MAP3K10: variants seen among roughly 807,000 people sequenced by gnomAD.
MAP3K10 encodes MKN28 derived nonreceptor_type serine/threonine kinase.
In MAP3K10, 22 loss-of-function variants were observed where a neutral mutation model predicts 75.0. The ratio of observed to expected loss-of-function variants is 0.29; its 90% CI spans 0.21 to 0.42. The LOEUF (loss-of-function observed/expected upper bound fraction) is 0.42, where lower values mean the gene tolerates loss of function less well. Ranked by LOEUF, MAP3K10 falls within the 10% of genes least tolerant of loss-of-function variation. MAP3K10 has a pLI of 1.00. For missense variants in MAP3K10, 1,165 were observed against 1,379.8 expected (o/e 0.84, Z 2.47); for synonymous variants, 599 against 612.9 (o/e 0.98, Z 0.34).
chr19:40,215,118 C>G lies in MAP3K10; in HGVS notation c.2691C>G (p.Asp897Glu). Residue 897 changes from aspartate (D) to glutamate (E), a missense_variant, in exon 10 of 10, where the codon GAC becomes GAG. Transcript: ENST00000253055. ...CGGCTGCCAGTCGCCCCCGCTTGGACCCCTGGAAACTGGTCTCCTTCGGCC... is the reference window on the plus strand; with the variant it reads ...CGGCTGCCAGTCGCCCCCGCTTGGAGCCCTGGAAACTGGTCTCCTTCGGCC... Reference protein sequence around the residue: ...PRPAASRPRLDPWKLVSFGRT... With the variant: ...PRPAASRPRLEPWKLVSFGRT... 6.2e-7 allele frequency: 1 copy of G among 1,611,458 alleles called. No individual in the cohort carries two copies. The highest frequency in any genetic ancestry group is 8.5e-7 in the Non-Finnish European group (1 of 1,179,210).
chr19:40,204,650 T>C lies in MAP3K10; in HGVS notation c.1012+17T>C. On this transcript the variant is annotated intron_variant, in intron 3 of 9. Coordinates refer to ENST00000253055, the MANE Select transcript of MAP3K10 (RefSeq NM_002446.4). The surrounding 1 kb of genome is among the most constrained non-coding windows in gnomAD (Gnocchi z 4.3). ...TCCTGGAGGGTGAGCCGGGGCCCCGTGACGAGGGTAGGCTCAGCTTGGAGT... is the reference window on the plus strand; with the variant it reads ...TCCTGGAGGGTGAGCCGGGGCCCCGCGACGAGGGTAGGCTCAGCTTGGAGT... 3 of 1,608,892 alleles carry C rather than the reference T, an allele frequency of 1.9e-6. 1 individual carries two copies. Among genetic ancestry groups the C allele is most frequent in the Non-Finnish European group, 2.5e-6 (3 of 1,177,120 alleles).
intron 2 of MAP3K10, among the ~76,000 whole-genome samples, chr19:40,202,841 A>C (rs1973051567): frequency 6.6e-6 from 1 of 152,014 alleles, no homozygotes; most frequent in Admixed American, 6.6e-5. Flanking sequence ...CCCCTCCTAC[A>C]TCCCATGTAC....
Position 40,205,882 on chromosome 19 carries a change from TC to T in MAP3K10, c.1189-23del, listed in dbSNP as rs1415603115. 4.7e-6 allele frequency: 7 copies of T among 1,495,058 alleles called. No homozygotes were observed. The highest frequency in any genetic ancestry group is 2.7e-5 in the South Asian group (2 of 75,184). The allele number at this position is 1,495,058 out of a possible 1,614,324, so 92.6% of individuals were successfully genotyped here. On this transcript the variant is annotated intron_variant, in intron 4 of 9. Transcript: ENST00000253055. The surrounding 1 kb of genome is among the most constrained non-coding windows in gnomAD (Gnocchi z 4.3). Reference sequence around the variant, plus strand: ...CCAGGAAGCAGAGCAGCTAAGCCCCTCCCCCCAGCCACCGCCTCTCCTTCCC... The same window carrying T: ...CCAGGAAGCAGAGCAGCTAAGCCCCTCCCCCAGCCACCGCCTCTCCTTCCC...
Position 40,192,848 on chromosome 19 carries a change from G to C in MAP3K10, c.682+135G>C, listed in dbSNP as rs955787534. 50 of 716,530 alleles carry C rather than the reference G, an allele frequency of 7.0e-5. No homozygotes were observed. The highest frequency in any genetic ancestry group is 1.4e-4 in the African/African-American group (8 of 55,386). 44.4% of individuals were successfully genotyped at this position (716,530 alleles called of 1,614,324 possible). A position where few individuals can be genotyped will look rare whatever the true frequency, so the allele number is the denominator to read the frequency against. On this transcript the variant is annotated intron_variant, in intron 1 of 9. Coordinates refer to ENST00000253055, the MANE Select transcript of MAP3K10 (RefSeq NM_002446.4). The surrounding 1 kb of genome is among the most constrained non-coding windows in gnomAD (Gnocchi z 7.1). ...AAGGGGCAGCAGTATGATACCTTCA[G>C]GGTGAAGGTGAGGTAGGCCTTGCCT...
chr19:40,207,423 TAA>T (rs1396477137), intron 5 of MAP3K10, among the ~76,000 whole-genome samples: 6 of 152,118 alleles, frequency 3.9e-5, no homozygotes, highest in African/African-American at 1.2e-4. Context: ...CAAAAAGAAA[TAA>T]GAGATGTCAA....
Position 40,214,073 on chromosome 19 carries a change from G to A in MAP3K10, c.2394G>A (p.Glu798=). The part of the protein sequence containing the change: ...SPSTNPLVDL[E]LESFKKDPRQ... ...GCACCAACCCCCTGGTGGACCTGGAGCTGGAGAGCTTCAAGAAGGACCCCC... is the reference window on the plus strand; with the variant it reads ...GCACCAACCCCCTGGTGGACCTGGAACTGGAGAGCTTCAAGAAGGACCCCC... The change falls in exon 9 of 10, where the codon GAG becomes GAA. Residue 798 remains glutamate (E), a synonymous_variant. Coordinates refer to ENST00000253055, the MANE Select transcript of MAP3K10 (RefSeq NM_002446.4). 2 of 1,552,260 alleles carry A rather than the reference G, an allele frequency of 1.3e-6. No homozygotes were observed. Among genetic ancestry groups the A allele is most frequent in the Non-Finnish European group, 1.7e-6 (2 of 1,156,970 alleles).
chr19:40,213,640 C>A lies in MAP3K10; in HGVS notation c.1961C>A (p.Pro654Gln). 7.0e-7 allele frequency: 1 copy of A among 1,424,678 alleles called. No individual in the cohort carries two copies. The highest frequency in any genetic ancestry group is 9.2e-7 in the Non-Finnish European group (1 of 1,088,512). The allele number at this position is 1,424,678 out of a possible 1,614,324, so 88.3% of individuals were successfully genotyped here. A position where few individuals can be genotyped will look rare whatever the true frequency, so the allele number is the denominator to read the frequency against. The change falls in exon 9 of 10, where the codon CCG (proline) becomes CAG (glutamine). Residue 654 changes from proline (P) to glutamine (Q), a missense_variant. Coordinates refer to ENST00000253055, the MANE Select transcript of MAP3K10 (RefSeq NM_002446.4). This position sits in a 1 kb window ranked among gnomAD's most constrained non-coding sequence, Gnocchi z 5.7. The part of the protein sequence containing the change: ...PSPGARAPWE[P>Q]TPSAPPARWG... ...CCGGGGGCGCGGGCGCCGTGGGAGC[C>A]GACGCCGTCCGCGCCCCCCGCTCGG...
At chr19:40,214,688 T>C (rs1441171168) in intron 9 of MAP3K10, among the ~76,000 whole-genome samples, 1 of 151,572 alleles carries the variant, frequency 6.6e-6, no homozygotes, top group Non-Finnish European at 1.5e-5. Flanking sequence ...TGCAGGAGAG[T>C]CGGGAAGACC....
rs1244855852 is a variant in MAP3K10 at position 40,198,058 on chromosome 19, C to T, written c.683-317C>T. Among the ~76,000 whole-genome samples the T allele has an allele frequency of 2.0e-5, 3 of 152,152 alleles. No homozygotes were observed. The highest frequency in any genetic ancestry group is 2.0e-4 in the Admixed American group (3 of 15,268). ...ATGTTGCACAGGCTGGTCTCGAACT[C>T]CTGGGCTCAAGTGACCCGCTTCAGC... is the stretch of plus-strand genomic sequence containing the variant. On this transcript the variant is annotated intron_variant, in intron 1 of 9. Coordinates refer to ENST00000253055, the MANE Select transcript of MAP3K10 (RefSeq NM_002446.4). The surrounding 1 kb of genome is among the most constrained non-coding windows in gnomAD (Gnocchi z 4.3).
chr19:40,215,131 G>T lies in MAP3K10; in HGVS notation c.2704G>T (p.Val902Phe). 6.2e-7 allele frequency: 1 copy of T among 1,610,860 alleles called. No individual in the cohort carries two copies. The highest frequency in any genetic ancestry group is 8.5e-7 in the Non-Finnish European group (1 of 1,178,948). ...CCCCCGCTTGGACCCCTGGAAACTG[G>T]TCTCCTTCGGCCGGACACTCACCAT... is the stretch of plus-strand genomic sequence containing the variant. ...SRPRLDPWKL[V>F]SFGRTLTISP... The change falls in exon 10 of 10, where the codon GTC becomes TTC. Residue 902 changes from valine to phenylalanine, a missense_variant. Coordinates refer to ENST00000253055, the MANE Select transcript of MAP3K10 (RefSeq NM_002446.4).
intron 1 of MAP3K10, among the ~76,000 whole-genome samples, chr19:40,193,887 G>A (rs935951453): frequency 6.6e-6 from 1 of 152,130 alleles, no homozygotes; most frequent in African/African-American, 2.4e-5. Flanking sequence ...TGCCCCCTTT[G>A]CTCTCAACAC....
In MAP3K10 at chr19:40,192,171, C is replaced by G; in HGVS notation, c.140C>G (p.Ser47Cys). Residue 47 changes from serine to cysteine, a missense_variant, in exon 1 of 10, where the codon TCC becomes TGC. Ser to Cys is a moderately radical substitution (Grantham distance 112). Around this residue, in one of 2 missense-constraint regions of MAP3K10, gnomAD observed 575 missense variants for 793.2 expected, o/e 0.72. Coordinates refer to ENST00000253055, the MANE Select transcript of MAP3K10 (RefSeq NM_002446.4). This position sits in a 1 kb window ranked among gnomAD's most constrained non-coding sequence, Gnocchi z 7.1. ...AGGGGCGATCGCGTCCAGGTGCTTT[C>G]CCAAGACTGTGCGGTGTCCGGCGAC... ...LRRGDRVQVL[S>C]QDCAVSGDEG... 1 of 1,607,646 alleles carries G rather than the reference C, an allele frequency of 6.2e-7. No homozygotes were observed. The highest frequency in any genetic ancestry group is 8.5e-7 in the Non-Finnish European group (1 of 1,178,120).
Position 40,206,392 on chromosome 19 carries a change from C to A in MAP3K10, c.1435+235C>A, listed in dbSNP as rs373293266. On this transcript the variant is annotated intron_variant, in intron 5 of 9. Transcript: ENST00000253055. The stretch of plus-strand genomic sequence containing the variant: ...GAGACCAGCCTGGGCAACATAGACC[C>A]CATATTTACCAAAAAAAAAAAAAAT... 26 of 415,388 alleles carry A rather than the reference C, an allele frequency of 6.3e-5. No homozygotes were observed. The South Asian group carries it at 2.5e-3, about 40-fold the overall frequency. The allele number at this position is 415,388 out of a possible 1,614,324, so 25.7% of individuals were successfully genotyped here. A position where few individuals can be genotyped will look rare whatever the true frequency, so the allele number is the denominator to read the frequency against.
At position 40,213,773 on chromosome 19, in the gene MAP3K10, C is replaced by CGGTGAGGAGCAGCG; in HGVS notation, c.2096_2109dup (p.Arg704ValfsTer123). The stretch of plus-strand genomic sequence containing the variant: ...ACGTGGCCGAGGCGCGCGCGGCCGA[C>CGGTGAGGAGCAGCG]GGTGAGGAGCAGCGGCGCTGGCTCG... On this transcript the variant is annotated frameshift_variant, in exon 9 of 10. Transcript: ENST00000253055. LOFTEE classifies it high-confidence loss of function. The surrounding 1 kb of genome is among the most constrained non-coding windows in gnomAD (Gnocchi z 5.7). 1 of 1,179,682 alleles carries CGGTGAGGAGCAGCG rather than the reference C, an allele frequency of 8.5e-7. No homozygotes were observed. The highest frequency in any genetic ancestry group is 1.1e-6 in the Non-Finnish European group (1 of 950,212). The allele number at this position is 1,179,682 out of a possible 1,614,324, so 73.1% of individuals were successfully genotyped here.
At chr19:40,214,451 C>T (rs1973312168) in intron 9 of MAP3K10, among the ~76,000 whole-genome samples, 1 of 152,166 alleles carries the variant, frequency 6.6e-6, no homozygotes, top group Non-Finnish European at 1.5e-5. Context: ...GTGCCTATAG[C>T]GGTTGTGACC....
chr19:40,215,041 C>G lies in MAP3K10; in HGVS notation c.2614C>G (p.Pro872Ala). Residue 872 changes from proline (P) to alanine (A), a missense_variant, in exon 10 of 10, where the codon CCT becomes GCT. Coordinates refer to ENST00000253055, the MANE Select transcript of MAP3K10 (RefSeq NM_002446.4). ...QALFPARRRPPEFPGRPTTLT... is the reference protein window; with the variant it reads ...QALFPARRRPAEFPGRPTTLT... ...CCTGTTCCCAGCCCGCCGCCGGCCC[C>G]CTGAGTTCCCAGGCCGCCCCACCAC... is the stretch of plus-strand genomic sequence containing the variant. 6.2e-7 allele frequency: 1 copy of G among 1,604,838 alleles called. No individual in the cohort carries two copies. The highest frequency in any genetic ancestry group is 8.5e-7 in the Non-Finnish European group (1 of 1,174,808).
At chr19:40,207,897 A>C (rs1008427216) in intron 5 of MAP3K10, among the ~76,000 whole-genome samples, 9 of 151,978 alleles carry the variant, frequency 5.9e-5, no homozygotes, top group Admixed American at 4.6e-4. Context: ...TTTCATTAAA[A>C]ATTTTTTTTT....
In MAP3K10 at chr19:40,213,526, C is replaced by T. The variant is rs748551085; in HGVS notation, c.1847C>T (p.Ala616Val). Residue 616 changes from alanine (A) to valine (V), a missense_variant, in exon 9 of 10, where the codon GCG (alanine) becomes GTG (valine). By Grantham distance (64) the Ala-to-Val change is moderately conservative. Coordinates refer to ENST00000253055, the MANE Select transcript of MAP3K10 (RefSeq NM_002446.4). The surrounding 1 kb of genome is among the most constrained non-coding windows in gnomAD (Gnocchi z 5.7). Reference protein sequence around the residue: ...FASLNEMEEFAEAEDGGSSVP... With the variant: ...FASLNEMEEFVEAEDGGSSVP... ...CCCTCTCCGGTTGCAGAGGAGTTCG[C>T]GGAGGCAGAGGATGGAGGCAGCAGC... 9.3e-6 allele frequency: 15 copies of T among 1,611,660 alleles called. No individual in the cohort carries two copies. The Admixed American group carries it at 1.0e-4, about 11-fold the overall frequency.
chr19:40,211,012 A>G (rs1973228530), intron 6 of MAP3K10, among the ~76,000 whole-genome samples: 1 of 152,168 alleles, frequency 6.6e-6, no homozygotes, highest in Non-Finnish European at 1.5e-5. Flanking sequence ...AGTCAAGTTG[A>G]CGCATAAAAT....
Sources: allele counts gnomAD v4.1 joint callset (sites outside exome capture counted in the v4.1 genomes callset), GRCh38; gene constraint gnomAD v4.1.1; regional missense constraint gnomAD v4.1.1; non-coding constraint Gnocchi (gnomAD v3.1); transcripts MANE v1.5; gene names NCBI Gene and HGNC (gene_info 2026-07-23, HGNC 2026-07-21).